The following AURKA variants were observed in gnomAD, a reference collection of about 807,000 sequenced individuals.
The protein encoded by AURKA is aurora kinase A.
In AURKA, 12 loss-of-function variants were observed where a neutral mutation model predicts 40.9. The ratio of observed to expected loss-of-function variants is 0.29; its 90% CI spans 0.19 to 0.48. The LOEUF (loss-of-function observed/expected upper bound fraction) is 0.48, where lower values mean the gene tolerates loss of function less well. Among genes scored for constraint, AURKA ranks in the 20% least tolerant of loss-of-function variants. The probability of loss-of-function intolerance (pLI) is 0.99; values close to 1 mark genes in which losing one functional copy is unlikely to be tolerated. For synonymous variants in AURKA, 170 were observed against 164.3 expected (o/e 1.03, Z -0.26); for missense variants, 322 against 462.1 (o/e 0.70, Z 2.78).
At chr20:56,371,180 T>C (rs1334577539) in intron 7 of AURKA, among the ~76,000 whole-genome samples, 3 of 152,146 alleles carry the variant, frequency 2.0e-5, no homozygotes, top group Non-Finnish European at 4.4e-5. Context: ...ATATTTAACC[T>C]GGCTGGGTGC....
intron 7 of AURKA, among the ~76,000 whole-genome samples, chr20:56,371,907 T>G (rs1324581787): frequency 6.6e-6 from 1 of 152,282 alleles, no homozygotes; most frequent in Non-Finnish European, 1.5e-5. Flanking sequence ...AGCATCATGA[T>G]GTTTGCAACG....
chr20:56,377,056 C>T (rs1985020959), intron 6 of AURKA, among the ~76,000 whole-genome samples: 1 of 151,940 alleles, frequency 6.6e-6, no homozygotes, highest in Admixed American at 6.6e-5. Flanking sequence ...CACTGCCCTC[C>T]AGCCTGGGTG....
In AURKA at chr20:56,386,455, T is replaced by A. The variant is rs1196676729; in HGVS notation, c.121A>T (p.Ser41Cys). Reference sequence around the variant, plus strand: ...CACAAGACCCGCTGAGCCTGGCCACTATTTACAGGTAATGGATTCTGACAA... The same window carrying A: ...CACAAGACCCGCTGAGCCTGGCCACAATTTACAGGTAATGGATTCTGACAA... ...FPCQNPLPVNSGQAQRVLCPS... is the reference protein window; with the variant it reads ...FPCQNPLPVNCGQAQRVLCPS... Residue 41 changes from serine to cysteine, a missense_variant, in exon 3 of 9, where the codon AGT (serine) becomes TGT (cysteine). Physicochemically the swap from Ser to Cys is moderately radical, Grantham distance 112 (BLOSUM62 -1). Coordinates refer to ENST00000395915, the MANE Select transcript of AURKA (RefSeq NM_198437.3). 6.2e-7 allele frequency: 1 copy of A among 1,614,112 alleles called. No individual in the cohort carries two copies. The highest frequency in any genetic ancestry group is 2.2e-5 in the East Asian group (1 of 44,902).
chr20:56,370,883 A>AG (rs1317925320), intron 7 of AURKA, among the ~76,000 whole-genome samples: 7 of 152,234 alleles, frequency 4.6e-5, no homozygotes, highest in African/African-American at 1.7e-4. Flanking sequence ...GTCCAACTCC[A>AG]GAACCTCCCT....
At chr20:56,370,687 T>G (rs1342222123) in intron 7 of AURKA, 28 bp from the exon 8 acceptor site, 1 of 1,613,516 alleles carries the variant, frequency 6.2e-7, no homozygotes, top group Non-Finnish European at 8.5e-7. Flanking sequence ...CTCAGGTTGA[T>G]GTGCTTCTCG....
rs2146121023 is a variant in AURKA at position 56,370,288 on chromosome 20, G to A, written c.1082C>T (p.Ser361Leu). Residue 361 changes from serine (S) to leucine (L), a missense_variant, in exon 9 of 9, where the codon TCA becomes TTA. Ser to Leu is a moderately radical substitution (Grantham distance 145, BLOSUM62 -2). Coordinates refer to ENST00000395915, the MANE Select transcript of AURKA (RefSeq NM_198437.3). ...FVTEGARDLISRLLKHNPSQR... is the reference protein window; with the variant it reads ...FVTEGARDLILRLLKHNPSQR... ...GCTGGGATTATGCTTCAACAGTCTT[G>A]AAATGAGGTCCCTGGCTCCCTCTGT... The A allele has an allele frequency of 6.2e-7, 1 of 1,614,174 alleles. No individual in the cohort carries two copies. The highest frequency in any genetic ancestry group is 8.5e-7 in the Non-Finnish European group (1 of 1,180,038).
rs1313879008 is a variant in AURKA at position 56,386,466 on chromosome 20, A to G, written c.110T>C (p.Leu37Ser). 1.9e-6 allele frequency: 3 copies of G among 1,614,104 alleles called. No homozygotes were observed. The highest frequency in any genetic ancestry group is 2.7e-5 in the African/African-American group (2 of 74,940). Reference protein sequence around the residue: ...VTQQFPCQNPLPVNSGQAQRV... With the variant: ...VTQQFPCQNPSPVNSGQAQRV... ...CTGAGCCTGGCCACTATTTACAGGTAATGGATTCTGACAAGGAAATTGCTG... is the reference window on the plus strand; with the variant it reads ...CTGAGCCTGGCCACTATTTACAGGTGATGGATTCTGACAAGGAAATTGCTG... The change falls in exon 3 of 9, where the codon TTA becomes TCA. Residue 37 changes from leucine (L) to serine (S), a missense_variant. By Grantham distance (145) the Leu-to-Ser change is moderately radical (BLOSUM62 -2). Coordinates refer to ENST00000395915, the MANE Select transcript of AURKA (RefSeq NM_198437.3).
intron 7 of AURKA, 70 bp from the exon 8 acceptor site, chr20:56,370,729 T>TA: frequency 6.5e-7 from 1 of 1,547,396 alleles, no homozygotes; most frequent in East Asian, 2.3e-5. Context: ...TAACAATCAT[T>TA]AAAGAGTCCA....
Position 56,383,038 on chromosome 20 carries a change from T to G in AURKA, c.513A>C (p.Lys171Asn), listed in dbSNP as rs1265162322. 1.9e-6 allele frequency: 3 copies of G among 1,614,218 alleles called. No homozygotes were observed. Among genetic ancestry groups the G allele is most frequent in the Non-Finnish European group, 1.7e-6 (2 of 1,180,032 alleles). ...LKVLFKAQLE[K>N]AGVEHQLRRE... ...TTCTGAGCTGATGCTCCACTCCGGC[T>G]TTCTCCAGCTGAGCTTTAAATAACA... Residue 171 changes from lysine to asparagine, a missense_variant, in exon 5 of 9, where the codon AAA becomes AAC. Transcript: ENST00000395915.
intron 6 of AURKA, among the ~76,000 whole-genome samples, chr20:56,377,315 A>G (rs576272990): frequency 6.6e-6 from 1 of 152,196 alleles, no homozygotes; most frequent in African/African-American, 2.4e-5. Context: ...AAAGACACAG[A>G]TAAGAGAACA....
rs1986644895 is a variant in AURKA, at chr20:56,388,399, T to C, written c.-5-197A>G. On this transcript the variant is annotated intron_variant, in intron 1 of 8. Transcript: ENST00000395915. ...GCAAGGCCAACCTCCCCTTGGGCAC[T>C]GCGTCCCATCCTCTGTCACGGAGTC... 4.9e-6 allele frequency: 3 copies of C among 615,284 alleles called. 1 individual carries two copies. The East Asian group carries it at 8.3e-5, about 17-fold the overall frequency. 38.1% of individuals were successfully genotyped at this position (615,284 alleles called of 1,614,324 possible).
chr20:56,387,931 G>A (rs1350517724), intron 2 of AURKA, among the ~76,000 whole-genome samples: 3 of 151,728 alleles, frequency 2.0e-5, no homozygotes, highest in Non-Finnish European at 4.4e-5. Context: ...ACAGTGGAGG[G>A]ATATAGAAAC....
intron 2 of AURKA, 69 bp downstream of exon 2, chr20:56,388,087 A>G: frequency 1.1e-5 from 1 of 94,154 alleles, no homozygotes; most frequent in Non-Finnish European, 1.7e-5. Context: ...AGGCGGAAAG[A>G]ATTCCCGACA....
intron 3 of AURKA, among the ~76,000 whole-genome samples, chr20:56,385,249 G>A (rs1040812392): frequency 6.6e-6 from 1 of 152,194 alleles, no homozygotes; most frequent in Non-Finnish European, 1.5e-5. Flanking sequence ...CTACCTTCAT[G>A]AAGTGGTTAC....
chr20:56,383,159 TC>T lies in AURKA; in HGVS notation c.391del (p.Glu131LysfsTer52), dbSNP rs1985943097. 1 of 1,614,088 alleles carries T rather than the reference TC, an allele frequency of 6.2e-7. No individual in the cohort carries two copies. Among genetic ancestry groups the T allele is most frequent in the African/African-American group, 1.3e-5 (1 of 74,918 alleles). On this transcript the variant is annotated frameshift_variant, in exon 5 of 9. Coordinates refer to ENST00000395915, the MANE Select transcript of AURKA (RefSeq NM_198437.3). LOFTEE classifies it high-confidence loss of function. Reference protein sequence around the residue: ...EESKKRQWALEDFEIGRPLGK... With the variant: ...EESKKRQWALXDFEIGRPLGK... ...CAGAGGGCGACCAATTTCAAAGTCT[TC>T]CAAAGCCCACTGCCTCCTAGGAGGA...
At chr20:56,382,494 C>A (rs1166052749) in intron 5 of AURKA, among the ~76,000 whole-genome samples, 1 of 152,204 alleles carries the variant, frequency 6.6e-6, no homozygotes, top group Non-Finnish European at 1.5e-5. Flanking sequence ...AGTCAACCTG[C>A]AGGTAGCTGC....
At position 56,383,136 on chromosome 20, in the gene AURKA, G is replaced by A. The variant is rs1363988473; in HGVS notation, c.415C>T (p.Leu139=). ...ALEDFEIGRP[L]GKGKFGNVYL... is the part of the protein sequence containing the mutation. ...ACATTACCAAACTTTCCTTTACCCA[G>A]AGGGCGACCAATTTCAAAGTCTTCC... Residue 139 remains leucine, a synonymous_variant, in exon 5 of 9, where the codon CTG becomes TTG. Coordinates refer to ENST00000395915, the MANE Select transcript of AURKA (RefSeq NM_198437.3). 1 of 1,614,066 alleles carries A rather than the reference G, an allele frequency of 6.2e-7. No individual in the cohort carries two copies. The highest frequency in any genetic ancestry group is 8.5e-7 in the Non-Finnish European group (1 of 1,180,056).
intron 1 of AURKA, among the ~76,000 whole-genome samples, chr20:56,389,512 G>A (rs941907030): frequency 6.6e-6 from 1 of 152,166 alleles, no homozygotes; most frequent in Middle Eastern, 3.4e-3. Flanking sequence ...CTCCCTAGCC[G>A]AGTACATCCA....
At chr20:56,384,449 GTTT>G in intron 3 of AURKA, 125 bp from the exon 4 acceptor site, 1 of 568,354 alleles carries the variant, frequency 1.8e-6, no homozygotes, top group Non-Finnish European at 2.9e-6. Context: ...TGATAAATCT[GTTT>G]TTTTTTTTTA....
Sources: gnomAD v4.1 joint callset for allele counts (sites outside exome capture counted in the v4.1 genomes callset) on GRCh38, gnomAD v4.1.1 for gene constraint, MANE v1.5 for transcripts, NCBI Gene and HGNC (gene_info 2026-07-23, HGNC 2026-07-21) for gene names.